ADAMTS19: variants seen among roughly 807,000 people sequenced by gnomAD.
The protein encoded by ADAMTS19 is A disintegrin and metalloproteinase with thrombospondin motifs 19.
ADAMTS19 carries 93 observed loss-of-function variants against 153.3 expected under a neutral mutation model. That is an observed-to-expected ratio of 0.61 (90% CI 0.51 to 0.72). The LOEUF (loss-of-function observed/expected upper bound fraction) is 0.72. Among genes scored for constraint, ADAMTS19 ranks in the 30% least tolerant of loss-of-function variants. The pLI is 0.00. For synonymous variants in ADAMTS19, 600 were observed against 556.6 expected (o/e 1.08, Z -1.10); for missense variants, 1,482 against 1,552.1 (o/e 0.95, Z 0.76).
At chr5:129,490,369 A>G (rs73787524) in intron 2 of ADAMTS19, among the ~76,000 whole-genome samples, 1,976 of 152,294 alleles carry the variant, frequency 0.013, 39 homozygotes, top group African/African-American at 0.044. Flanking sequence ...GTTTTCCTAT[A>G]ACCTCCAATT....
chr5:129,626,634 A>G (rs1373162909), intron 10 of ADAMTS19, among the ~76,000 whole-genome samples: 1 of 152,076 alleles, frequency 6.6e-6, no homozygotes. Flanking sequence ...TAGACGATAG[A>G]TAGGTAGCTA....
At chr5:129,488,031 C>G (rs566136088) in intron 2 of ADAMTS19, among the ~76,000 whole-genome samples, 4 of 151,910 alleles carry the variant, frequency 2.6e-5, no homozygotes, top group African/African-American at 9.6e-5. Flanking sequence ...AACGTTGTAA[C>G]TCTGTATTGT....
At chr5:129,508,625 C>T (rs1014013112) in intron 2 of ADAMTS19, among the ~76,000 whole-genome samples, 4 of 152,004 alleles carry the variant, frequency 2.6e-5, no homozygotes, top group Non-Finnish European at 5.9e-5. Flanking sequence ...TAATTTGATG[C>T]TTCTTGCATT....
At chr5:129,703,438 A>C (rs1456406467) in intron 20 of ADAMTS19, among the ~76,000 whole-genome samples, 3 of 152,108 alleles carry the variant, frequency 2.0e-5, no homozygotes, top group Admixed American at 6.6e-5. Context: ...TATATACAGA[A>C]ATTCTAAATT....
intron 3 of ADAMTS19, among the ~76,000 whole-genome samples, chr5:129,519,118 G>T (rs1354535822): frequency 1.3e-5 from 2 of 152,032 alleles, no homozygotes; most frequent in Non-Finnish European, 2.9e-5. Context: ...AGTCTCAAAG[G>T]TTCACCCAAA....
In ADAMTS19 at chr5:129,696,925, C is replaced by T. The variant is rs562724430; in HGVS notation, c.2954+2070C>T. 2.8e-4 allele frequency among the ~76,000 whole-genome samples: 43 copies of T among 152,280 alleles called. No individual in the cohort carries two copies. In the South Asian group the frequency reaches 4.8e-3, roughly 17 times the overall value. On this transcript the variant is annotated intron_variant, in intron 19 of 22. Transcript: ENST00000274487. ...GCAACAGATGGCAGTGTTTCCTCTTCAGATCCTTAAAATGTGCTGGACTCT... is the reference window on the plus strand; with the variant it reads ...GCAACAGATGGCAGTGTTTCCTCTTTAGATCCTTAAAATGTGCTGGACTCT...
chr5:129,599,733 GT>G (rs1454442898), intron 8 of ADAMTS19, among the ~76,000 whole-genome samples: 1 of 152,120 alleles, frequency 6.6e-6, no homozygotes, highest in African/African-American at 2.4e-5. Context: ...AGAAATGTTG[GT>G]TTATGACCAG....
At chr5:129,701,321 G>C (rs1755836446) in intron 19 of ADAMTS19, 67 bp from the exon 20 acceptor site, 1 of 1,548,904 alleles carries the variant, frequency 6.5e-7, no homozygotes, top group Non-Finnish European at 8.9e-7. Context: ...AGCAGTGTGA[G>C]AACAGACTAA....
chr5:129,717,220 C>G (rs995221264), intron 21 of ADAMTS19, among the ~76,000 whole-genome samples: 1 of 152,134 alleles, frequency 6.6e-6, no homozygotes, highest in African/African-American at 2.4e-5. Context: ...AAAAATATCT[C>G]AGCAACCAGA....
intron 8 of ADAMTS19, among the ~76,000 whole-genome samples, chr5:129,604,464 C>A (rs1462641664): frequency 1.3e-5 from 2 of 152,148 alleles, no homozygotes; most frequent in Admixed American, 1.3e-4. Context: ...CACATTTGTT[C>A]ATCTGTTAGA....
At chr5:129,568,926 C>T (rs549617272) in intron 7 of ADAMTS19, among the ~76,000 whole-genome samples, 353 of 151,666 alleles carry the variant, frequency 2.3e-3, no homozygotes, top group Non-Finnish European at 4.0e-3. Context: ...GTAAAAACAA[C>T]ATCAACAAAA....
chr5:129,548,547 G>A (rs1254171752), intron 6 of ADAMTS19, among the ~76,000 whole-genome samples: 1 of 151,600 alleles, frequency 6.6e-6, no homozygotes, highest in Non-Finnish European at 1.5e-5. Flanking sequence ...AGAGGATGTG[G>A]AGAAATAGGA....
chr5:129,525,513 C>CTCTTTATT (rs1240415760), intron 3 of ADAMTS19, among the ~76,000 whole-genome samples: 1 of 151,958 alleles, frequency 6.6e-6, no homozygotes, highest in Non-Finnish European at 1.5e-5. Context: ...TTTAGAATAG[C>CTCTTTATT]TCTTTATTTC....
At chr5:129,699,949 A>G (rs970957382) in intron 19 of ADAMTS19, among the ~76,000 whole-genome samples, 3 of 152,204 alleles carry the variant, frequency 2.0e-5, no homozygotes, top group African/African-American at 7.2e-5. Context: ...CTTACAGCTA[A>G]TAAGTATTAT....
chr5:129,638,566 C>A (rs1042100119), intron 10 of ADAMTS19, among the ~76,000 whole-genome samples: 2 of 77,466 alleles, frequency 2.6e-5, no homozygotes, highest in Admixed American at 1.2e-4. Flanking sequence ...CTGTCTCACA[C>A]ACACACACAT....
chr5:129,622,364 G>C lies in ADAMTS19; in HGVS notation c.1770+16G>C, dbSNP rs2126980009. The C allele has an allele frequency of 6.2e-7, 1 of 1,613,586 alleles. No individual in the cohort carries two copies. On this transcript the variant is annotated intron_variant, in intron 10 of 22. Transcript: ENST00000274487. Reference sequence around the variant, plus strand: ...GGAGATGCAGGTAAAGATCCAGGTGGGGATTTTGTGCGTTCATTCATTGTT... The same window carrying C: ...GGAGATGCAGGTAAAGATCCAGGTGCGGATTTTGTGCGTTCATTCATTGTT...
At chr5:129,641,192 C>A (rs754758638) in intron 10 of ADAMTS19, among the ~76,000 whole-genome samples, 4 of 152,178 alleles carry the variant, frequency 2.6e-5, no homozygotes, top group Non-Finnish European at 5.9e-5. Context: ...TTTTCTTTTA[C>A]ATTTCCTCAG....
intron 21 of ADAMTS19, among the ~76,000 whole-genome samples, chr5:129,706,303 C>T (rs2127171009): frequency 6.6e-6 from 1 of 152,330 alleles, no homozygotes; most frequent in African/African-American, 2.4e-5. Flanking sequence ...GCCGCAGTGG[C>T]TCACGCCTGT....
chr5:129,637,616 G>A (rs1443702401), intron 10 of ADAMTS19, among the ~76,000 whole-genome samples: 1 of 152,098 alleles, frequency 6.6e-6, no homozygotes, highest in African/African-American at 2.4e-5. Flanking sequence ...AGGCCGATGC[G>A]GGCGGATCAG....
Sources: allele counts gnomAD v4.1 joint callset (sites outside exome capture counted in the v4.1 genomes callset), GRCh38; gene constraint gnomAD v4.1.1; transcripts MANE v1.5; gene names NCBI Gene and HGNC (gene_info 2026-07-23, HGNC 2026-07-21).